DTX4: variants seen among roughly 807,000 people sequenced by gnomAD.
The protein encoded by DTX4 is E3 ubiquitin-protein ligase DTX4.
A neutral mutation model predicts 57.6 loss-of-function variants in DTX4; 28 were observed. That is an observed-to-expected ratio of 0.49 (90% confidence interval 0.36 to 0.67). The LOEUF is 0.67. DTX4 is among the 30% of genes least tolerant of loss of function. DTX4 has a pLI of 0.00. For missense variants in DTX4, 715 were observed against 836.8 expected (o/e 0.85, Z 1.80); for synonymous variants, 316 against 331.0 (o/e 0.95, Z 0.49).
chr11:59,172,446 T>G lies in DTX4; in HGVS notation c.-150T>G. ...GGATGCACGGCTGGGGAGGAGCCCA[T>G]GGGCCGGAGCTGAGGCTGCCCGGGG... is the stretch of plus-strand genomic sequence containing the variant. On this transcript the variant is annotated 5_prime_UTR_variant, in exon 1 of 9. It removes an upstream start codon present in the reference 5' UTR. Transcript: ENST00000227451. 1 of 250,704 alleles carries G rather than the reference T, an allele frequency of 4.0e-6. No homozygotes were observed. The highest frequency in any genetic ancestry group is 6.7e-6 in the Non-Finnish European group (1 of 148,850). 15.5% of individuals were successfully genotyped at this position (250,704 alleles called of 1,614,324 possible). A position where few individuals can be genotyped will look rare whatever the true frequency, so the allele number is the denominator to read the frequency against.
Position 59,181,771 on chromosome 11 carries a change from G to C in DTX4, c.244G>C (p.Asp82His), listed in dbSNP as rs1306981832. The change falls in exon 2 of 9, where the codon GAC becomes CAC. Residue 82 changes from aspartate to histidine, a missense_variant. By Grantham distance (81) the Asp-to-His change is moderately conservative (BLOSUM62 -1). Transcript: ENST00000227451. ...CCGCCCAGTTCGCCGCAACTACTAC[G>C]ACCCCTCCTCGGCCCCTGGGAAGGG... is the stretch of plus-strand genomic sequence containing the variant. ...TLRPVRRNYY[D>H]PSSAPGKGVV... The C allele has an allele frequency of 6.8e-6, 11 of 1,612,278 alleles. No homozygotes were observed. The highest frequency in any genetic ancestry group is 2.2e-5 in the East Asian group (1 of 44,878).
chr11:59,179,458 A>T (rs188429103), intron 1 of DTX4, among the ~76,000 whole-genome samples: 1 of 152,124 alleles, frequency 6.6e-6, no homozygotes, highest in Non-Finnish European at 1.5e-5. Context: ...CCTTTTAACC[A>T]ATCAAATGTT....
At chr11:59,196,228 T>C (rs1400769554) in intron 7 of DTX4, among the ~76,000 whole-genome samples, 1 of 152,248 alleles carries the variant, frequency 6.6e-6, no homozygotes, top group African/African-American at 2.4e-5. Context: ...GGAGAAGCAA[T>C]GAGCAAAGTA....
rs753285278 is a variant in DTX4 at position 59,181,843 on chromosome 11, G to A, written c.316G>A (p.Asp106Asn). 26 of 1,613,862 alleles carry A rather than the reference G, an allele frequency of 1.6e-5. No homozygotes were observed. Among genetic ancestry groups the A allele is most frequent in the South Asian group, 4.4e-5 (4 of 91,078 alleles). ...ENDNGSWTPY[D>N]MEVGITIQHA... is the part of the protein sequence containing the mutation. The stretch of plus-strand genomic sequence containing the variant: ...CGACAATGGCTCCTGGACGCCCTAC[G>A]ACATGGAAGTGGGCATCACCATCCA... The change falls in exon 2 of 9, where the codon GAC becomes AAC. Residue 106 changes from aspartate to asparagine, a missense_variant. Transcript: ENST00000227451.
At position 59,195,240 on chromosome 11, in the gene DTX4, C is replaced by A; in HGVS notation, c.1407C>A (p.Thr469=). Residue 469 remains threonine, a synonymous_variant, in exon 7 of 9, where the codon ACC becomes ACA. Coordinates refer to ENST00000227451, the MANE Select transcript of DTX4 (RefSeq NM_015177.2). ...DGSLQCPTCK[T]IYGVKTGTQP... ...GTTTGCAGTGTCCAACCTGCAAGAC[C>A]ATTTATGGGGTGAAGACAGGCACCC... 1.2e-6 allele frequency: 2 copies of A among 1,613,958 alleles called. No individual in the cohort carries two copies. Among genetic ancestry groups the A allele is most frequent in the Non-Finnish European group, 1.7e-6 (2 of 1,179,884 alleles).
At chr11:59,183,839 G>A (rs746920003) in intron 2 of DTX4, among the ~76,000 whole-genome samples, 6 of 152,176 alleles carry the variant, frequency 3.9e-5, no homozygotes, top group Non-Finnish European at 7.3e-5. Context: ...TGGAGTTATC[G>A]TGAAAACCTC....
At chr11:59,183,465 T>A (rs942509881) in intron 2 of DTX4, among the ~76,000 whole-genome samples, 15 of 152,180 alleles carry the variant, frequency 9.9e-5, no homozygotes, top group African/African-American at 3.6e-4. Context: ...ATCCATATGG[T>A]GGCTGCAACC....
rs772737375 is a variant in DTX4 at position 59,181,909 on chromosome 11, T to G, written c.382T>G (p.Ser128Ala). 1 of 1,613,902 alleles carries G rather than the reference T, an allele frequency of 6.2e-7. No individual in the cohort carries two copies. The highest frequency in any genetic ancestry group is 8.5e-7 in the Non-Finnish European group (1 of 1,179,856). ...GCAGCACCCCTGGATCGACCTCACTTCCATTGGCTTTAGCTACGTAATTGA... is the reference window on the plus strand; with the variant it reads ...GCAGCACCCCTGGATCGACCTCACTGCCATTGGCTTTAGCTACGTAATTGA... The part of the protein sequence containing the change: ...EKQHPWIDLT[S>A]IGFSYVIDFN... Residue 128 changes from serine to alanine, a missense_variant, in exon 2 of 9, where the codon TCC becomes GCC. Coordinates refer to ENST00000227451, the MANE Select transcript of DTX4 (RefSeq NM_015177.2).
intron 2 of DTX4, 45 bp from the exon 3 acceptor site, chr11:59,188,690 T>C (rs367719949): frequency 8.5e-5 from 129 of 1,521,086 alleles, no homozygotes; most frequent in Non-Finnish European, 1.1e-4. Flanking sequence ...GTCCATTTTG[T>C]TCCACGTGTC....
intron 1 of DTX4, among the ~76,000 whole-genome samples, chr11:59,174,552 A>T (rs985602536): frequency 4.6e-5 from 7 of 151,224 alleles, no homozygotes; most frequent in African/African-American, 1.7e-4. Flanking sequence ...AAATCTCTAC[A>T]GCATTTGGAA....
chr11:59,184,652 G>A (rs1274743805), intron 2 of DTX4, among the ~76,000 whole-genome samples: 1 of 152,184 alleles, frequency 6.6e-6, no homozygotes, highest in Non-Finnish European at 1.5e-5. Context: ...ATGAGGGAGT[G>A]GAGTCAGCAG....
At chr11:59,201,192 T>C (rs534812245) in intron 8 of DTX4, among the ~76,000 whole-genome samples, 4 of 152,150 alleles carry the variant, frequency 2.6e-5, no homozygotes, top group Non-Finnish European at 5.9e-5. Flanking sequence ...GGGGCCTCTT[T>C]TATAAGGGCA....
chr11:59,179,563 C>T (rs564590425), intron 1 of DTX4, among the ~76,000 whole-genome samples: 4 of 152,224 alleles, frequency 2.6e-5, no homozygotes, highest in Non-Finnish European at 4.4e-5. Context: ...TCCCACTTTT[C>T]GGTAGGGGCA....
intron 2 of DTX4, among the ~76,000 whole-genome samples, chr11:59,182,975 A>G (rs1342479725): frequency 1.3e-5 from 2 of 152,214 alleles, no homozygotes; most frequent in Non-Finnish European, 2.9e-5. Context: ...CATTAATAAC[A>G]TTAATTGAAC....
At position 59,181,865 on chromosome 11, in the gene DTX4, T is replaced by C; in HGVS notation, c.338T>C (p.Ile113Thr). ...TACGACATGGAAGTGGGCATCACCATCCAGCATGCCTATGAGAAGCAGCAC... is the reference window on the plus strand; with the variant it reads ...TACGACATGGAAGTGGGCATCACCACCCAGCATGCCTATGAGAAGCAGCAC... ...TPYDMEVGIT[I>T]QHAYEKQHPW... The change falls in exon 2 of 9, where the codon ATC (isoleucine) becomes ACC (threonine). Residue 113 changes from isoleucine (I) to threonine (T), a missense_variant. Ile to Thr is a moderately conservative substitution (Grantham distance 89). Coordinates refer to ENST00000227451, the MANE Select transcript of DTX4 (RefSeq NM_015177.2). 1 of 1,613,992 alleles carries C rather than the reference T, an allele frequency of 6.2e-7. No individual in the cohort carries two copies. The highest frequency in any genetic ancestry group is 1.1e-5 in the South Asian group (1 of 91,082).
At chr11:59,194,781 G>A (rs150498658) in intron 6 of DTX4, 13 of 207,728 alleles carry the variant, frequency 6.3e-5, no homozygotes, top group Admixed American at 4.9e-4. Flanking sequence ...CAGTGGACCC[G>A]ATGTGGTGCC....
chr11:59,178,960 G>C (rs552715580), intron 1 of DTX4, among the ~76,000 whole-genome samples: 1 of 151,800 alleles, frequency 6.6e-6, no homozygotes, highest in Non-Finnish European at 1.5e-5. Context: ...GACAAACCTA[G>C]AAAGGTATAT....
chr11:59,198,099 G>A (rs1011115080), intron 7 of DTX4, among the ~76,000 whole-genome samples: 5 of 152,226 alleles, frequency 3.3e-5, no homozygotes, highest in African/African-American at 4.8e-5. Context: ...ACAGGCATGC[G>A]CTTCTGTGAG....
intron 1 of DTX4, among the ~76,000 whole-genome samples, chr11:59,180,711 C>T (rs1040225087): frequency 1.3e-5 from 2 of 152,110 alleles, no homozygotes; most frequent in African/African-American, 4.8e-5. Flanking sequence ...GAGGATGAGT[C>T]AGGATTCAGG....
Sources: gnomAD v4.1 joint callset for allele counts (sites outside exome capture counted in the v4.1 genomes callset) on GRCh38, gnomAD v4.1.1 for gene constraint, MANE v1.5 for transcripts, NCBI Gene and HGNC (gene_info 2026-07-23, HGNC 2026-07-21) for gene names.